Variants in PCDH15 observed in about 807,000 individuals in gnomAD.
PCDH15 encodes protocadherin-15.
In PCDH15, 129 loss-of-function variants were observed where a neutral mutation model predicts 178.5. The observed-to-expected ratio is 0.72, with a 90% CI of 0.63 to 0.84. The LOEUF is 0.84. Ranked by LOEUF, PCDH15 falls within the 40% of genes least tolerant of loss-of-function variation. The pLI is 0.00. For missense variants in PCDH15, 2,230 were observed against 2,099.9 expected (o/e 1.06, Z -1.21); for synonymous variants, 800 against 732.0 (o/e 1.09, Z -1.50).
intron 3 of PCDH15, among the ~76,000 whole-genome samples, chr10:54,506,345 A>T (rs2081164540): frequency 6.6e-6 from 1 of 152,090 alleles, no homozygotes; most frequent in Non-Finnish European, 1.5e-5. Context: ...ACTCTACCTA[A>T]TATAATGTGA....
chr10:55,280,416 T>A (rs919226733), intron 1 of PCDH15, among the ~76,000 whole-genome samples: 4 of 149,828 alleles, frequency 2.7e-5, no homozygotes, highest in South Asian at 4.3e-4. Flanking sequence ...GTAGCTGGGA[T>A]TATAGGTATC....
At chr10:54,102,974 G>C (rs1324543893) in intron 15 of PCDH15, among the ~76,000 whole-genome samples, 2 of 152,180 alleles carry the variant, frequency 1.3e-5, no homozygotes, top group Admixed American at 1.3e-4. Flanking sequence ...CCTTTCCCCA[G>C]TGCACAGTGA....
intron 1 of PCDH15, among the ~76,000 whole-genome samples, chr10:54,752,678 C>T (rs1946511727): frequency 6.7e-6 from 1 of 148,488 alleles, no homozygotes; most frequent in Non-Finnish European, 1.5e-5. Context: ...AAAAATGATG[C>T]CGAGTGTATC....
rs1012629089 is a variant in PCDH15 at position 55,599,999 on chromosome 10, G to C, written c.-156+27626C>G. On this transcript the variant is annotated intron_variant, in intron 2 of 5. Coordinates refer to the PCDH15 transcript ENST00000613346. ...AATAAATAGGAGAAGACCCTGTGGA[G>C]CTTGAATTCATTAATGCAAATAGAT... 1.5e-5 allele frequency: 20 copies of C among 1,365,748 alleles called. No individual in the cohort carries two copies. The Admixed American group carries it at 3.9e-4, about 26-fold the overall frequency. The allele number at this position is 1,365,748 out of a possible 1,614,324, so 84.6% of individuals were successfully genotyped here.
intron 2 of PCDH15, among the ~76,000 whole-genome samples, chr10:55,019,934 A>G (rs1256965439): frequency 2.0e-5 from 2 of 98,794 alleles, no homozygotes; most frequent in Non-Finnish European, 2.3e-5. Context: ...AGGGAAGTAA[A>G]AGAAACTCTA....
At chr10:55,298,113 G>A (rs1843180520) in intron 1 of PCDH15, among the ~76,000 whole-genome samples, 2 of 152,112 alleles carry the variant, frequency 1.3e-5, no homozygotes, top group South Asian at 2.1e-4. Context: ...TCTTACATGG[G>A]AAAAGATGGC....
chr10:55,254,173 G>A lies in PCDH15; in HGVS notation c.-156+65426C>T, dbSNP rs1051324178. Among the ~76,000 whole-genome samples the A allele has an allele frequency of 8.5e-5, 13 of 152,120 alleles. No individual in the cohort carries two copies. In the East Asian group the frequency reaches 1.5e-3, roughly 18 times the overall value. On this transcript the variant is annotated intron_variant, in intron 1 of 5. Transcript: ENST00000458638. ...ATGTAACTTAAATAACTAAAATCAC[G>A]CTTTAAAAATCTGGTTATTTATATG...
chr10:55,585,509 C>T (rs909125043), intron 2 of PCDH15, among the ~76,000 whole-genome samples: 11 of 152,004 alleles, frequency 7.2e-5, no homozygotes, highest in Admixed American at 2.0e-4. Flanking sequence ...AAAACCATCT[C>T]TATTAAAAAC....
At chr10:55,573,525 T>A (rs1426864681) in intron 2 of PCDH15, among the ~76,000 whole-genome samples, 1 of 152,102 alleles carries the variant, frequency 6.6e-6, no homozygotes, top group Non-Finnish European at 1.5e-5. Context: ...ATTCTGTCAT[T>A]TGCAACAACA....
intron 25 of PCDH15, among the ~76,000 whole-genome samples, chr10:53,931,654 A>G (rs1013098951): frequency 2.6e-5 from 4 of 152,192 alleles, no homozygotes; most frequent in African/African-American, 9.7e-5. Context: ...AATCCTGCTA[A>G]TATGGGCTAA....
In PCDH15 at chr10:55,492,353, C is replaced by A. The variant is rs374924848; in HGVS notation, c.-156+135272G>T. ...AAGGGGATTTGGGCACAATATTTGA[C>A]CCATAAATGTTTATATCAATCCAGG... On this transcript the variant is annotated intron_variant, in intron 2 of 5. Coordinates refer to the PCDH15 transcript ENST00000613346. Among the ~76,000 whole-genome samples the A allele has an allele frequency of 1.7e-4, 26 of 151,890 alleles. 1 individual carries two copies. The highest frequency in any genetic ancestry group is 1.6e-3 in the Admixed American group (24 of 15,238).
chr10:54,166,083 C>T (rs887642379), intron 13 of PCDH15, among the ~76,000 whole-genome samples: 2 of 152,198 alleles, frequency 1.3e-5, no homozygotes, highest in African/African-American at 4.8e-5. Context: ...CCTCTTCTCT[C>T]CAATGCCAGT....
intron 2 of PCDH15, among the ~76,000 whole-genome samples, chr10:55,008,111 T>C (rs1180362288): frequency 6.6e-6 from 1 of 152,182 alleles, no homozygotes; most frequent in Non-Finnish European, 1.5e-5. Context: ...AGTCTATGTC[T>C]GCTCGTTTTA....
At position 54,384,293 on chromosome 10, in the gene PCDH15, A is replaced by C. The variant is rs528422594; in HGVS notation, c.158-5351T>G. Among the ~76,000 whole-genome samples, 8 of 148,400 alleles carry C rather than the reference A, an allele frequency of 5.4e-5. No individual in the cohort carries two copies. In the South Asian group the frequency reaches 1.3e-3, roughly 24 times the overall value. ...TTTTTCTTCCATTCCCTAACCAAAC[A>C]ATTAAATCTCTACCAAGCTGAAGAT... On this transcript the variant is annotated intron_variant, in intron 3 of 37. Transcript: ENST00000644397.
At chr10:55,208,867 G>A (rs926302754) in intron 1 of PCDH15, among the ~76,000 whole-genome samples, 1 of 152,006 alleles carries the variant, frequency 6.6e-6, no homozygotes, top group Non-Finnish European at 1.5e-5. Flanking sequence ...GTACTATGAA[G>A]GAAACAACAT....
At chr10:55,056,019 T>A (rs10825451) in intron 2 of PCDH15, among the ~76,000 whole-genome samples, 84,862 of 151,900 alleles carry the variant, frequency 0.56, 24,181 homozygotes, top group East Asian at 0.75. Context: ...ATTTCTTCCC[T>A]TCTCCATTGT....
rs1330185096 is a variant in PCDH15, at chr10:54,383,615, GTGTATGTGTGTTTT to G, written c.158-4687_158-4674del. Among the ~76,000 whole-genome samples the G allele has an allele frequency of 4.3e-3, 178 of 41,520 alleles. 1 individual carries two copies. The highest frequency in any genetic ancestry group is 0.014 in the Middle Eastern group (1 of 74). 27.2% of individuals were successfully genotyped at this position (41,520 alleles called of 152,430 possible). On this transcript the variant is annotated intron_variant, in intron 3 of 37. Transcript: ENST00000644397. ...ATTAAAAGTACAAGCATACCATGCC[GTGTATGTGTGTTTT>G]TGTGTGTGTGTGTGTGTGTGTGTGT...
chr10:54,716,374 G>A (rs553428180), intron 1 of PCDH15, among the ~76,000 whole-genome samples: 2 of 152,242 alleles, frequency 1.3e-5, no homozygotes, highest in South Asian at 4.1e-4. Flanking sequence ...AAATGATATT[G>A]ATTCTTCCTA....
At chr10:53,946,353 C>T (rs1462356307) in intron 23 of PCDH15, among the ~76,000 whole-genome samples, 1 of 152,156 alleles carries the variant, frequency 6.6e-6, no homozygotes, top group African/African-American at 2.4e-5. Flanking sequence ...ACTTCCTTCA[C>T]ACTGACCTAA....
Sources: gnomAD v4.1 joint callset for allele counts (sites outside exome capture counted in the v4.1 genomes callset) on GRCh38, gnomAD v4.1.1 for gene constraint, MANE v1.5 for transcripts, NCBI Gene and HGNC (gene_info 2026-07-23, HGNC 2026-07-21) for gene names.